Variants in PIAS2 observed in about 807,000 individuals in gnomAD.
PIAS2 encodes the protein E3 SUMO-protein ligase PIAS2.
Under a neutral mutation model 69.7 loss-of-function variants are expected in PIAS2, and 19 were observed. The ratio of observed to expected loss-of-function variants is 0.27; its 90% CI spans 0.19 to 0.40. The LOEUF (loss-of-function observed/expected upper bound fraction) is 0.40, where lower values mean the gene tolerates loss of function less well. PIAS2 is among the 10% of genes least tolerant of loss of function. The pLI is 1.00. For synonymous variants in PIAS2, 261 were observed against 263.2 expected, an observed-to-expected ratio of 0.99 and a Z score of 0.08; for missense variants, 624 against 757.0, an observed-to-expected ratio of 0.82 and a Z score of 2.06.
At chr18:46,854,106 A>T (rs1273182543) in intron 5 of PIAS2, among the ~76,000 whole-genome samples, 2 of 151,934 alleles carry the variant, frequency 1.3e-5, no homozygotes, top group African/African-American at 4.8e-5. Context: ...GACAAATGAG[A>T]CTCCTGACAA....
At chr18:46,826,075 T>G (rs1312801418) in intron 11 of PIAS2, among the ~76,000 whole-genome samples, 1 of 152,246 alleles carries the variant, frequency 6.6e-6, no homozygotes, top group African/African-American at 2.4e-5. Context: ...ATCAGCTTCA[T>G]GGAACGAACT....
At chr18:46,816,758 G>A (rs768683145) in intron 12 of PIAS2, 5 of 978,300 alleles carry the variant, frequency 5.1e-6, no homozygotes, top group Middle Eastern at 5.3e-4. Context: ...ATAAGCCACC[G>A]CACCCAGCTT....
chr18:46,843,624 T>C (rs563202425), intron 8 of PIAS2, among the ~76,000 whole-genome samples: 20 of 152,266 alleles, frequency 1.3e-4, no homozygotes, highest in Non-Finnish European at 2.4e-4. Context: ...TAAGGAGATA[T>C]AAAAGAAAAA....
At chr18:46,828,210 A>G in intron 10 of PIAS2, 80 bp from the exon 11 acceptor site, 1 of 1,250,816 alleles carries the variant, frequency 8.0e-7, no homozygotes, top group South Asian at 1.7e-5. Flanking sequence ...TAGTATATTC[A>G]GTATAGTATG....
chr18:46,815,195 A>C, intron 13 of PIAS2, 117 bp downstream of exon 13: 2 of 775,370 alleles, frequency 2.6e-6, no homozygotes, highest in Non-Finnish European at 4.4e-6. Context: ...CTTCCTTTCC[A>C]TCAATGTAAG....
intron 1 of PIAS2, chr18:46,915,413 C>G (rs1293806838): frequency 6.6e-6 from 1 of 152,142 alleles, no homozygotes; most frequent in Non-Finnish European, 1.5e-5. Flanking sequence ...CAAAGAAAAG[C>G]AGATGATGCT....
chr18:46,835,120 T>C (rs1441309072), intron 9 of PIAS2, among the ~76,000 whole-genome samples: 2 of 152,196 alleles, frequency 1.3e-5, no homozygotes, highest in African/African-American at 2.4e-5. Flanking sequence ...CAAAGGGGCA[T>C]GACATATGTA....
At chr18:46,913,884 C>G (rs1476941495) in intron 1 of PIAS2, among the ~76,000 whole-genome samples, 2 of 152,176 alleles carry the variant, frequency 1.3e-5, no homozygotes, top group African/African-American at 2.4e-5. Context: ...CTAGCTGTAA[C>G]CCAGAAATCC....
chr18:46,869,559 A>G (rs932978516), intron 2 of PIAS2, among the ~76,000 whole-genome samples: 1 of 152,234 alleles, frequency 6.6e-6, no homozygotes, highest in African/African-American at 2.4e-5. Flanking sequence ...CCTCACATCA[A>G]ACCTCCAGGA....
intron 8 of PIAS2, among the ~76,000 whole-genome samples, chr18:46,840,394 T>G (rs1156883486): frequency 6.6e-6 from 1 of 152,076 alleles, no homozygotes. Context: ...ATGCCAAAAT[T>G]GTGTGTCCAT....
intron 1 of PIAS2, among the ~76,000 whole-genome samples, chr18:46,894,439 T>C (rs2054536387): frequency 6.6e-6 from 1 of 152,152 alleles, no homozygotes; most frequent in Non-Finnish European, 1.5e-5. Flanking sequence ...GATGTTGGTA[T>C]CTTTAGTCTA....
At chr18:46,918,150 G>T (rs866167644), upstream of PIAS2, 1 of 152,128 alleles carries the variant, frequency 6.6e-6, no homozygotes, top group Non-Finnish European at 1.5e-5. Context: ...CTGATAGCTA[G>T]GAAGGAGTCA....
At chr18:46,844,436 T>C (rs2045877217) in intron 7 of PIAS2, among the ~76,000 whole-genome samples, 1 of 152,170 alleles carries the variant, frequency 6.6e-6, no homozygotes, top group Admixed American at 6.5e-5. Flanking sequence ...GCGTCAAAGC[T>C]TTTCCAACAC....
At chr18:46,911,994 T>C (rs1052134747) in intron 1 of PIAS2, among the ~76,000 whole-genome samples, 1 of 151,720 alleles carries the variant, frequency 6.6e-6, no homozygotes, top group African/African-American at 2.4e-5. Context: ...GAGGTTGCAG[T>C]GAGCCAAGAT....
intron 2 of PIAS2, among the ~76,000 whole-genome samples, chr18:46,880,068 ACAGT>A (rs1338063980): frequency 6.6e-6 from 1 of 151,184 alleles, no homozygotes; most frequent in Non-Finnish European, 1.5e-5. Context: ...AAATGGTCAG[ACAGT>A]ATGTATTTTA....
At chr18:46,897,413 C>T (rs1766305121) in intron 1 of PIAS2, among the ~76,000 whole-genome samples, 1 of 152,038 alleles carries the variant, frequency 6.6e-6, no homozygotes, top group Admixed American at 6.6e-5. Flanking sequence ...AGAATGGGCT[C>T]CTAGTAGCCT....
intron 1 of PIAS2, among the ~76,000 whole-genome samples, chr18:46,908,550 AAC>A (rs1568892375): frequency 2.0e-5 from 3 of 152,148 alleles, no homozygotes; most frequent in African/African-American, 7.2e-5. Context: ...GTAAAAAAAA[AAC>A]AAAAACAAAA....
chr18:46,818,516 T>C (rs2041814587), intron 12 of PIAS2: 2 of 1,367,786 alleles, frequency 1.5e-6, no homozygotes, highest in African/African-American at 3.0e-5. Context: ...AAAACTTTGT[T>C]ATCTCTCCAT....
chr18:46,875,072 A>G (rs981320327), intron 2 of PIAS2, among the ~76,000 whole-genome samples: 1 of 152,108 alleles, frequency 6.6e-6, no homozygotes, highest in African/African-American at 2.4e-5. Flanking sequence ...TTTTCTTTCC[A>G]ACAGAAGGTC....
Sources: gnomAD v4.1 joint callset for allele counts (sites outside exome capture counted in the v4.1 genomes callset) on GRCh38, gnomAD v4.1.1 for gene constraint, MANE v1.5 for transcripts, NCBI Gene and HGNC (gene_info 2026-07-23, HGNC 2026-07-21) for gene names.